Variants in PTPRD observed in about 807,000 individuals in gnomAD.
PTPRD encodes receptor-type tyrosine-protein phosphatase delta.
In PTPRD, 34 loss-of-function variants were observed where a neutral mutation model predicts 214.5. That is an observed-to-expected ratio of 0.16 (90% CI 0.12 to 0.21). The LOEUF is 0.21. PTPRD is among the 10% of genes least tolerant of loss of function. The probability of loss-of-function intolerance (pLI) is 1.00; values close to 1 mark genes in which losing one functional copy is unlikely to be tolerated. For synonymous variants in PTPRD, 1,128 were observed against 845.7 expected, an observed-to-expected ratio of 1.33 and a Z score of -5.79; for missense variants, 2,545 against 2,398.7, an observed-to-expected ratio of 1.06 and a Z score of -1.27.
chr9:10,537,219 T>TA lies in PTPRD; in HGVS notation c.-600+75178dup, dbSNP rs554297002. ...TATTTCTTATGTGAAAGAAATGATT[T>TA]AAAAAATCTAAGTGGCTTAAGAGAG... On this transcript the variant is annotated intron_variant, in intron 2 of 45. Transcript: ENST00000381196. Among the ~76,000 whole-genome samples the TA allele has an allele frequency of 1.9e-4, 29 of 152,304 alleles. No homozygotes were observed. The East Asian group carries it at 4.6e-3, about 24-fold the overall frequency.
chr9:8,834,735 C>G (rs1365117880), intron 11 of PTPRD, among the ~76,000 whole-genome samples: 1 of 152,132 alleles, frequency 6.6e-6, no homozygotes, highest in Non-Finnish European at 1.5e-5. Context: ...CTGTTTGACC[C>G]ACAGACCAAA....
intron 4 of PTPRD, among the ~76,000 whole-genome samples, chr9:9,957,724 G>A (rs2094041955): frequency 6.6e-6 from 1 of 152,048 alleles, no homozygotes; most frequent in South Asian, 2.1e-4. Flanking sequence ...AAAAGACCCA[G>A]AATAGCTAAC....
rs893178305 is a variant in PTPRD at position 9,431,614 on chromosome 9, T to C, written c.-236-34132A>G. 1.6e-4 allele frequency among the ~76,000 whole-genome samples: 24 copies of C among 152,258 alleles called. 1 individual carries two copies. Among genetic ancestry groups the C allele is most frequent in the Admixed American group, 7.9e-4 (12 of 15,282 alleles). Reference sequence around the variant, plus strand: ...AAAGACACATGCACACGTAAGTTTATTGTGGCACTATTCACAATAGCAAAG... The same window carrying C: ...AAAGACACATGCACACGTAAGTTTACTGTGGCACTATTCACAATAGCAAAG... On this transcript the variant is annotated intron_variant, in intron 8 of 45. Transcript: ENST00000381196.
At chr9:10,429,370 A>G (rs2098655491) in intron 2 of PTPRD, among the ~76,000 whole-genome samples, 1 of 152,042 alleles carries the variant, frequency 6.6e-6, no homozygotes, top group African/African-American at 2.4e-5. Context: ...TACATCTAAA[A>G]GAAACCCTGC....
At chr9:9,761,658 G>A (rs1023500235) in intron 6 of PTPRD, among the ~76,000 whole-genome samples, 5 of 151,992 alleles carry the variant, frequency 3.3e-5, no homozygotes, top group African/African-American at 1.2e-4. Flanking sequence ...GGAAAACTTG[G>A]CAATGTGTAC....
At chr9:9,293,469 C>T (rs1595313142) in intron 9 of PTPRD, among the ~76,000 whole-genome samples, 2 of 149,668 alleles carry the variant, frequency 1.3e-5, no homozygotes, top group Non-Finnish European at 3.0e-5. Context: ...TTGTGTAGTT[C>T]CTGCTCCAGT....
intron 6 of PTPRD, among the ~76,000 whole-genome samples, chr9:9,758,931 T>C (rs1025650316): frequency 2.6e-5 from 4 of 152,074 alleles, no homozygotes; most frequent in Non-Finnish European, 5.9e-5. Context: ...TGAAAAGCTA[T>C]AGAATTGTCA....
At chr9:10,066,334 C>T (rs2097883889) in intron 3 of PTPRD, among the ~76,000 whole-genome samples, 1 of 151,692 alleles carries the variant, frequency 6.6e-6, no homozygotes, top group Admixed American at 6.6e-5. Flanking sequence ...AAATTTAACA[C>T]CCGTTTCAAT....
At chr9:10,396,364 G>T (rs535274241) in intron 2 of PTPRD, among the ~76,000 whole-genome samples, 48 of 152,056 alleles carry the variant, frequency 3.2e-4, no homozygotes, top group Non-Finnish European at 5.4e-4. Context: ...GAGCTGGCTT[G>T]GCAATAGACC....
intron 14 of PTPRD, among the ~76,000 whole-genome samples, chr9:8,596,497 A>G (rs2094484288): frequency 6.6e-6 from 1 of 152,068 alleles, no homozygotes; most frequent in Admixed American, 6.6e-5. Context: ...ACACATAAAG[A>G]AAAAAACAGA....
intron 10 of PTPRD, among the ~76,000 whole-genome samples, chr9:9,163,474 C>A (rs2099894562): frequency 6.6e-6 from 1 of 151,824 alleles, no homozygotes; most frequent in African/African-American, 2.4e-5. Context: ...AAATTGCTTT[C>A]TGGATATTTC....
intron 11 of PTPRD, among the ~76,000 whole-genome samples, chr9:8,891,287 C>T (rs1466229814): frequency 1.3e-5 from 2 of 151,882 alleles, no homozygotes; most frequent in African/African-American, 2.4e-5. Flanking sequence ...GCACCCGCCA[C>T]CACGCCTGGC....
At chr9:8,338,566 G>A (rs1849217054) in intron 43 of PTPRD, among the ~76,000 whole-genome samples, 1 of 152,056 alleles carries the variant, frequency 6.6e-6, no homozygotes, top group African/African-American at 2.4e-5. Context: ...AGAGCCTCAA[G>A]TAATGAAGAA....
At chr9:9,169,464 A>G (rs1054129894) in intron 10 of PTPRD, among the ~76,000 whole-genome samples, 2 of 152,166 alleles carry the variant, frequency 1.3e-5, no homozygotes, top group African/African-American at 4.8e-5. Flanking sequence ...TTGCAATGCT[A>G]AAGTTAGGAG....
intron 12 of PTPRD, among the ~76,000 whole-genome samples, chr9:8,673,768 C>CA (rs1290263513): frequency 2.0e-5 from 3 of 152,142 alleles, no homozygotes; most frequent in Non-Finnish European, 4.4e-5. Context: ...GTTCAATTGG[C>CA]ATAACGAGTG....
intron 9 of PTPRD, among the ~76,000 whole-genome samples, chr9:9,211,457 A>C (rs1391538639): frequency 6.7e-6 from 1 of 149,238 alleles, no homozygotes; most frequent in Non-Finnish European, 1.5e-5. Flanking sequence ...AGCTTTCATC[A>C]CTGGTTTTCC....
intron 2 of PTPRD, among the ~76,000 whole-genome samples, chr9:10,422,266 G>A (rs190254520): frequency 4.8e-4 from 73 of 152,074 alleles, no homozygotes; most frequent in African/African-American, 1.7e-3. Context: ...TATGTAGAAG[G>A]CTGAAACTGG....
chr9:8,916,428 C>A (rs1054607766), intron 11 of PTPRD, among the ~76,000 whole-genome samples: 5 of 151,930 alleles, frequency 3.3e-5, no homozygotes, highest in Non-Finnish European at 7.4e-5. Context: ...GTATAATAAG[C>A]CTAAGGAGAG....
chr9:10,280,354 TAAACACC>T (rs1475534657), intron 3 of PTPRD, among the ~76,000 whole-genome samples: 3 of 134,464 alleles, frequency 2.2e-5, no homozygotes, highest in African/African-American at 1.1e-4. Context: ...TTTAAATACA[TAAACACC>T]ACACACACAC....
Sources: allele counts gnomAD v4.1 joint callset (sites outside exome capture counted in the v4.1 genomes callset), GRCh38; gene constraint gnomAD v4.1.1; transcripts MANE v1.5; gene names NCBI Gene and HGNC (gene_info 2026-07-23, HGNC 2026-07-21).